The following ANKRD30BL variants were observed in gnomAD, a reference collection of about 807,000 sequenced individuals.
ANKRD30BL encodes the protein ankyrin repeat domain 30B like.
In ANKRD30BL, 20 loss-of-function variants were observed where a neutral mutation model predicts 18.4. The observed-to-expected ratio is 1.09, with a 90% CI of 0.77 to 1.58. ANKRD30BL has a LOEUF of 1.58. Ranked by LOEUF, ANKRD30BL falls within the 40% of genes most tolerant of loss-of-function variation. ANKRD30BL has a pLI of 0.00. For synonymous variants in ANKRD30BL, 72 were observed against 100.9 expected (o/e 0.71, Z 1.72); for missense variants, 224 against 268.6 (o/e 0.83, Z 1.16).
intron 1 of ANKRD30BL, among the ~76,000 whole-genome samples, chr2:132,187,190 T>TTG (rs1331033968): frequency 9.7e-5 from 12 of 124,130 alleles, no homozygotes; most frequent in African/African-American, 4.9e-4. Flanking sequence ...TTTTGTTTGT[T>TTG]TTTTTTTTTT....
chr2:132,191,401 GAGTA>G (rs1472698429), intron 1 of ANKRD30BL, among the ~76,000 whole-genome samples: 1 of 151,866 alleles, frequency 6.6e-6, no homozygotes, highest in African/African-American at 2.4e-5. Flanking sequence ...CATTTCTCTT[GAGTA>G]AGTAAGAATG....
intron 1 of ANKRD30BL, among the ~76,000 whole-genome samples, chr2:132,240,389 G>A (rs576312163): frequency 3.8e-4 from 58 of 151,854 alleles, no homozygotes; most frequent in African/African-American, 1.3e-3. Flanking sequence ...TCACAAAGTG[G>A]AACGTTACTT....
In ANKRD30BL at chr2:132,154,755, G is replaced by A. The variant is rs771432982; in HGVS notation, c.521C>T (p.Pro174Leu). Residue 174 changes from proline to leucine, a missense_variant, in exon 4 of 6, where the codon CCA (proline) becomes CTA (leucine). By Grantham distance (98) the Pro-to-Leu change is moderately conservative. Transcript: ENST00000409867. ...TCTTTTCCTTATGGCCAGTAAAAGT[G>A]GTGTGTGGCCAGCCTGTAAAACAGC... ...IEVKNKAGHTPLLLAIRKRSE... is the reference protein window; with the variant it reads ...IEVKNKAGHTLLLLAIRKRSE... 1.4e-6 allele frequency: 1 copy of A among 714,936 alleles called. No homozygotes were observed. The highest frequency in any genetic ancestry group is 2.0e-5 in the Admixed American group (1 of 49,060). 44.3% of individuals were successfully genotyped at this position (714,936 alleles called of 1,614,324 possible).
chr2:132,242,386 C>T (rs796084886), intron 1 of ANKRD30BL, among the ~76,000 whole-genome samples: 1 of 151,678 alleles, frequency 6.6e-6, no homozygotes, highest in Middle Eastern at 3.2e-3. Flanking sequence ...AAAATCTAGA[C>T]AGAAGCATTC....
intron 1 of ANKRD30BL, among the ~76,000 whole-genome samples, chr2:132,215,320 C>A (rs945535915): frequency 6.6e-6 from 1 of 152,184 alleles, no homozygotes; most frequent in African/African-American, 2.4e-5. Context: ...ACATGCGGAG[C>A]TCTTTGAGGC....
intron 1 of ANKRD30BL, among the ~76,000 whole-genome samples, chr2:132,222,679 C>A (rs1267257925): frequency 5.3e-5 from 8 of 151,656 alleles, no homozygotes; most frequent in Non-Finnish European, 1.0e-4. Context: ...ATCTTAAGTA[C>A]CCAGGGACAC....
intron 1 of ANKRD30BL, among the ~76,000 whole-genome samples, chr2:132,195,354 A>C (rs1678941220): frequency 6.6e-6 from 1 of 152,124 alleles, no homozygotes; most frequent in Non-Finnish European, 1.5e-5. Flanking sequence ...GTGGAGAATT[A>C]ACTATTAGAG....
chr2:132,159,904 A>G (rs1198376979), intron 1 of ANKRD30BL, among the ~76,000 whole-genome samples: 1 of 152,176 alleles, frequency 6.6e-6, no homozygotes, highest in Admixed American at 6.5e-5. Flanking sequence ...TCTATATTCC[A>G]TCAGAAATTT....
intron 1 of ANKRD30BL, among the ~76,000 whole-genome samples, chr2:132,206,398 G>C (rs1267255014): frequency 6.6e-6 from 1 of 152,086 alleles, no homozygotes; most frequent in African/African-American, 2.4e-5. Flanking sequence ...AGTGTGTGTT[G>C]TCTGAACCCA....
At chr2:132,249,821 A>G (rs62164970) in intron 1 of ANKRD30BL, among the ~76,000 whole-genome samples, 1 of 141,020 alleles carries the variant, frequency 7.1e-6, no homozygotes, top group Non-Finnish European at 1.6e-5. Flanking sequence ...TGATATTTCC[A>G]TTTTCACCAC....
At chr2:132,214,467 C>T (rs141835208) in intron 1 of ANKRD30BL, among the ~76,000 whole-genome samples, 1 of 151,530 alleles carries the variant, frequency 6.6e-6, no homozygotes, top group African/African-American at 2.4e-5. Context: ...ACATTTGGAG[C>T]TCTTTGAGGT....
Position 132,223,103 on chromosome 2 carries a change from G to A in ANKRD30BL, n.441+34426C>T, listed in dbSNP as rs1236518286. ...GCTTTGAGGCCTTCGTTGGAAACGG[G>A]AATATATTTACATAAAAATTAGACA... On this transcript the variant is annotated intron_variant and non_coding_transcript_variant, in intron 1 of 4. Transcript: ENST00000470729. Among the ~76,000 whole-genome samples the A allele has an allele frequency of 3.3e-5, 5 of 150,994 alleles. No individual in the cohort carries two copies. In the South Asian group the frequency reaches 6.3e-4, roughly 19 times the overall value.
At chr2:132,255,598 C>T (rs1409220433) in intron 1 of ANKRD30BL, among the ~76,000 whole-genome samples, 3 of 152,154 alleles carry the variant, frequency 2.0e-5, no homozygotes, top group African/African-American at 7.2e-5. Context: ...ACTTGCCCTC[C>T]AATTGATCCT....
At chr2:132,202,684 T>C (rs1244184138) in intron 1 of ANKRD30BL, among the ~76,000 whole-genome samples, 1 of 152,188 alleles carries the variant, frequency 6.6e-6, no homozygotes, top group African/African-American at 2.4e-5. Context: ...CATATGTATG[T>C]ATGTACACAT....
chr2:132,251,180 G>T (rs111427482), intron 1 of ANKRD30BL, among the ~76,000 whole-genome samples: 2 of 152,130 alleles, frequency 1.3e-5, no homozygotes, highest in African/African-American at 4.8e-5. Context: ...AGTTGCAAAA[G>T]GTACAGGGAT....
intron 1 of ANKRD30BL, among the ~76,000 whole-genome samples, chr2:132,220,614 C>T (rs550725631): frequency 9.3e-4 from 141 of 152,240 alleles, no homozygotes; most frequent in Admixed American, 2.4e-3. Context: ...GATCCGCCAG[C>T]CTCGGCCTCC....
chr2:132,247,238 G>A (rs1680527684), intron 1 of ANKRD30BL, among the ~76,000 whole-genome samples: 1 of 151,680 alleles, frequency 6.6e-6, no homozygotes, highest in South Asian at 2.1e-4. Flanking sequence ...CTTTCATGGA[G>A]CAGTTTTGAA....
intron 1 of ANKRD30BL, among the ~76,000 whole-genome samples, chr2:132,197,955 A>C (rs1303405337): frequency 6.6e-6 from 1 of 151,894 alleles, no homozygotes; most frequent in Non-Finnish European, 1.5e-5. Context: ...TAATGAAAGA[A>C]ATACCATTGT....
intron 1 of ANKRD30BL, among the ~76,000 whole-genome samples, chr2:132,234,932 C>A (rs1370887579): frequency 2.6e-5 from 4 of 152,100 alleles, no homozygotes; most frequent in Non-Finnish European, 4.4e-5. Flanking sequence ...ATGCAAAAAT[C>A]CTCAATAAAA....
Sources: allele counts gnomAD v4.1 joint callset (sites outside exome capture counted in the v4.1 genomes callset), GRCh38; gene constraint gnomAD v4.1.1; transcripts MANE v1.5; gene names NCBI Gene and HGNC (gene_info 2026-07-23, HGNC 2026-07-21).